Variants in PTPRT observed in about 807,000 individuals in gnomAD.
PTPRT encodes the protein receptor-type tyrosine-protein phosphatase T.
A neutral mutation model predicts 176.8 loss-of-function variants in PTPRT; 56 were observed. The ratio of observed to expected loss-of-function variants is 0.32; its 90% CI spans 0.26 to 0.40. The LOEUF (loss-of-function observed/expected upper bound fraction) is 0.40. PTPRT is among the 10% of genes least tolerant of loss of function. The pLI is 1.00. For missense variants in PTPRT, 1,540 were observed against 1,908.2 expected (o/e 0.81, Z 3.60); for synonymous variants, 783 against 739.0 (o/e 1.06, Z -0.96).
At chr20:42,922,927 C>T (rs1979249923) in intron 1 of PTPRT, among the ~76,000 whole-genome samples, 1 of 152,136 alleles carries the variant, frequency 6.6e-6, no homozygotes, top group Non-Finnish European at 1.5e-5. Context: ...GGAAAATCTT[C>T]CCTGACCATC....
chr20:42,853,129 A>T (rs1198492922), intron 2 of PTPRT, among the ~76,000 whole-genome samples: 1 of 152,214 alleles, frequency 6.6e-6, no homozygotes, highest in Non-Finnish European at 1.5e-5. Context: ...CAGCATTGTC[A>T]GTGCCTTTTA....
chr20:42,577,923 CTG>C (rs777761268), intron 7 of PTPRT, among the ~76,000 whole-genome samples: 30,970 of 110,904 alleles, frequency 0.28, 3,885 homozygotes, highest in African/African-American at 0.34. Context: ...CTGAGCGAGG[CTG>C]TGTGTGTGTG....
rs140546552 is a variant in PTPRT at position 42,879,016 on chromosome 20, G to A, written c.214+6791C>T. Among the ~76,000 whole-genome samples the A allele has an allele frequency of 2.9e-3, 434 of 152,210 alleles. 3 individuals carry two copies. The highest frequency in any genetic ancestry group is 9.1e-3 in the South Asian group (44 of 4,818). On this transcript the variant is annotated intron_variant, in intron 2 of 30. Coordinates refer to ENST00000373187, the MANE Select transcript of PTPRT (RefSeq NM_007050.6). Reference sequence around the variant, plus strand: ...AGCACTCCAGCCCTGGCGACCGAGCGAGACTCCATCTCAAAAAAACAAAAC... The same window carrying A: ...AGCACTCCAGCCCTGGCGACCGAGCAAGACTCCATCTCAAAAAAACAAAAC...
At position 42,947,174 on chromosome 20, in the gene PTPRT, C is replaced by T. The variant is rs143041748; in HGVS notation, c.89-61242G>A. Among the ~76,000 whole-genome samples the T allele has an allele frequency of 4.1e-3, 619 of 152,280 alleles. 8 individuals are homozygous for T. The Middle Eastern group carries it at 0.044, about 11-fold the overall frequency. ...CCCTGTGCCCGTACTACCTGCATTC[C>T]ACCCAATTCCCAGCCACTCACAGGC... On this transcript the variant is annotated intron_variant, in intron 1 of 30. Coordinates refer to ENST00000373187, the MANE Select transcript of PTPRT (RefSeq NM_007050.6).
At chr20:42,697,621 G>A (rs746280903) in intron 6 of PTPRT, among the ~76,000 whole-genome samples, 2 of 152,206 alleles carry the variant, frequency 1.3e-5, no homozygotes, top group Non-Finnish European at 2.9e-5. Context: ...GTTCCAGCAC[G>A]TGAAGCATCA....
intron 1 of PTPRT, among the ~76,000 whole-genome samples, chr20:43,130,862 C>G (rs925831956): frequency 6.7e-6 from 1 of 150,196 alleles, no homozygotes; most frequent in East Asian, 1.9e-4. Flanking sequence ...AAAGCAATAT[C>G]TTTTTAAAAA....
chr20:42,290,178 GA>G (rs1211028492), intron 12 of PTPRT, among the ~76,000 whole-genome samples: 3 of 151,600 alleles, frequency 2.0e-5, no homozygotes, highest in South Asian at 2.1e-4. Context: ...CTGGGGAATG[GA>G]AAAAAAAGCT....
intron 12 of PTPRT, among the ~76,000 whole-genome samples, chr20:42,290,726 T>C (rs1017717725): frequency 5.3e-5 from 8 of 152,084 alleles, no homozygotes; most frequent in Non-Finnish European, 8.8e-5. Context: ...TATCTACTTA[T>C]AGCCTCCATT....
chr20:42,081,176 T>G (rs1254941089), intron 30 of PTPRT, among the ~76,000 whole-genome samples: 1 of 152,168 alleles, frequency 6.6e-6, no homozygotes, highest in Non-Finnish European at 1.5e-5. Context: ...TTTACTGTTT[T>G]GTACAACAGG....
At chr20:43,065,109 T>C (rs1600686143) in intron 1 of PTPRT, among the ~76,000 whole-genome samples, 1 of 152,068 alleles carries the variant, frequency 6.6e-6, no homozygotes, top group Non-Finnish European at 1.5e-5. Flanking sequence ...CTCCTTCCCC[T>C]TTGCATCTCC....
chr20:42,804,238 T>C (rs74355653), intron 2 of PTPRT, among the ~76,000 whole-genome samples: 2,328 of 152,198 alleles, frequency 0.015, 62 homozygotes, highest in African/African-American at 0.054. Flanking sequence ...GCAAAGCTAG[T>C]TTCCTATTTC....
At chr20:43,143,222 T>A (rs1029865008) in intron 1 of PTPRT, among the ~76,000 whole-genome samples, 2 of 152,146 alleles carry the variant, frequency 1.3e-5, no homozygotes, top group Admixed American at 1.3e-4. Flanking sequence ...TTCCTGAAAC[T>A]CTTAGACAAA....
At chr20:42,383,903 G>T (rs1490963926) in intron 9 of PTPRT, among the ~76,000 whole-genome samples, 1 of 152,206 alleles carries the variant, frequency 6.6e-6, no homozygotes, top group East Asian at 1.9e-4. Flanking sequence ...TTATTGCTAG[G>T]TGATGTTGGT....
chr20:43,169,972 C>T (rs1437617329), intron 1 of PTPRT, among the ~76,000 whole-genome samples: 2 of 152,062 alleles, frequency 1.3e-5, no homozygotes, highest in East Asian at 1.9e-4. Flanking sequence ...CTAGGTTCCA[C>T]GCAGTGCATT....
At chr20:42,620,568 G>T (rs1016092006) in intron 7 of PTPRT, among the ~76,000 whole-genome samples, 1 of 151,788 alleles carries the variant, frequency 6.6e-6, no homozygotes, top group East Asian at 1.9e-4. Context: ...TTTGATCTCA[G>T]ACTGCTGTGC....
chr20:42,085,567 A>G (rs1983803749), intron 28 of PTPRT, among the ~76,000 whole-genome samples, 161 bp downstream of exon 28: 1 of 152,188 alleles, frequency 6.6e-6, no homozygotes, highest in African/African-American at 2.4e-5. Context: ...GTCATTGCTG[A>G]GTCTGGAGCC....
chr20:42,261,078 A>G (rs1344412299), intron 13 of PTPRT, among the ~76,000 whole-genome samples: 2 of 152,196 alleles, frequency 1.3e-5, no homozygotes, highest in Non-Finnish European at 2.9e-5. Flanking sequence ...CCACAACCCA[A>G]GAGGTTTAAG....
chr20:43,126,496 A>G (rs2013445546), intron 1 of PTPRT, among the ~76,000 whole-genome samples: 1 of 152,208 alleles, frequency 6.6e-6, no homozygotes, highest in Admixed American at 6.5e-5. Context: ...GCCTGACTGA[A>G]CAATCCCTGC....
At chr20:42,126,161 C>A (rs1987849715) in intron 19 of PTPRT, among the ~76,000 whole-genome samples, 1 of 152,076 alleles carries the variant, frequency 6.6e-6, no homozygotes, top group African/African-American at 2.4e-5. Context: ...CCCTCCCCAT[C>A]TGGAGAATGG....
Sources: gnomAD v4.1 joint callset for allele counts (sites outside exome capture counted in the v4.1 genomes callset) on GRCh38, gnomAD v4.1.1 for gene constraint, MANE v1.5 for transcripts, NCBI Gene and HGNC (gene_info 2026-07-23, HGNC 2026-07-21) for gene names.